The following KCNH7 variants were observed in gnomAD, a reference collection of about 807,000 sequenced individuals.
KCNH7 encodes the protein potassium voltage-gated channel subfamily H member 7, also known as voltage-gated inwardly rectifying potassium channel KCNH7.
KCNH7 carries 49 observed loss-of-function variants against 120.8 expected under a neutral mutation model. The observed-to-expected ratio is 0.41, with a 90% CI of 0.32 to 0.51. The LOEUF (loss-of-function observed/expected upper bound fraction) is 0.51, where lower values mean the gene tolerates loss of function less well. KCNH7 is among the 20% of genes least tolerant of loss of function. The pLI is 0.38. For synonymous variants in KCNH7, 547 were observed against 516.1 expected (o/e 1.06, Z -0.81); for missense variants, 1,097 against 1,446.6 (o/e 0.76, Z 3.92).
At chr2:162,687,333 C>T (rs571946883) in intron 2 of KCNH7, among the ~76,000 whole-genome samples, 1 of 152,230 alleles carries the variant, frequency 6.6e-6, no homozygotes, top group South Asian at 2.1e-4. Flanking sequence ...AGGACTTTTG[C>T]AGGACAGTGG....
intron 2 of KCNH7, among the ~76,000 whole-genome samples, chr2:162,617,931 C>A (rs1007809720): frequency 1.3e-5 from 2 of 151,734 alleles, no homozygotes; most frequent in African/African-American, 2.4e-5. Context: ...GAAATGAATA[C>A]TTATGATTTT....
intron 4 of KCNH7, 142 bp downstream of exon 4, chr2:162,517,588 G>C (rs1691350695): frequency 1.5e-6 from 1 of 657,232 alleles, no homozygotes; most frequent in Admixed American, 3.1e-5. Flanking sequence ...AACTCTGAGT[G>C]TAGGACTCAG....
In KCNH7 at chr2:162,382,935, T is replaced by A. The variant is rs150206248; in HGVS notation, c.2962+1753A>T. Among the ~76,000 whole-genome samples, 519 of 152,116 alleles carry A rather than the reference T, an allele frequency of 3.4e-3. 6 individuals carry two copies. The highest frequency in any genetic ancestry group is 0.031 in the Middle Eastern group (9 of 294). On this transcript the variant is annotated intron_variant, in intron 13 of 15. Transcript: ENST00000332142. ...TTTAGCTGTACATTTTCAAGATAAT[T>A]ATTATTTGAATAGAGATTGCCCTGT...
intron 3 of KCNH7, among the ~76,000 whole-genome samples, chr2:162,523,355 T>C (rs1052838194): frequency 3.3e-5 from 5 of 151,938 alleles, no homozygotes; most frequent in African/African-American, 1.2e-4. Flanking sequence ...TGATTCTTGA[T>C]ATTCCTTTTA....
At chr2:162,648,914 C>A (rs988539208) in intron 2 of KCNH7, among the ~76,000 whole-genome samples, 1 of 152,196 alleles carries the variant, frequency 6.6e-6, no homozygotes, top group Non-Finnish European at 1.5e-5. Flanking sequence ...GTCTTATAAC[C>A]ATTTTAAGCA....
chr2:162,501,840 G>A (rs1690697178), intron 6 of KCNH7: 1 of 151,934 alleles, frequency 6.6e-6, no homozygotes, highest in African/African-American at 2.4e-5. Context: ...ATAAATTTTG[G>A]TGGGTACACA....
chr2:162,401,008 T>C (rs1687050541), intron 9 of KCNH7, among the ~76,000 whole-genome samples: 1 of 151,914 alleles, frequency 6.6e-6, no homozygotes, highest in Non-Finnish European at 1.5e-5. Context: ...TAATACTAAA[T>C]ATTTTGATAA....
chr2:162,824,229 C>G (rs1052909881), intron 2 of KCNH7, among the ~76,000 whole-genome samples: 17 of 152,128 alleles, frequency 1.1e-4, no homozygotes, highest in African/African-American at 3.1e-4. Flanking sequence ...TCACACTATA[C>G]ACAGTGAGTA....
At chr2:162,754,085 A>G (rs1457379889) in intron 2 of KCNH7, among the ~76,000 whole-genome samples, 1 of 152,190 alleles carries the variant, frequency 6.6e-6, no homozygotes. Flanking sequence ...TGATGATGAT[A>G]TTTGTTACTT....
intron 8 of KCNH7, among the ~76,000 whole-genome samples, chr2:162,425,216 T>C (rs563826350): frequency 6.6e-6 from 1 of 152,188 alleles, no homozygotes; most frequent in South Asian, 2.1e-4. Context: ...TTGAGACTTT[T>C]CAGCCTCTAT....
At chr2:162,818,369 G>T (rs143059999) in intron 2 of KCNH7, among the ~76,000 whole-genome samples, 301 of 151,856 alleles carry the variant, frequency 2.0e-3, no homozygotes, top group African/African-American at 7.0e-3. Flanking sequence ...GACTTACTTT[G>T]GTGCTTTGTC....
At chr2:162,414,698 CAT>C (rs1202581753) in intron 9 of KCNH7, among the ~76,000 whole-genome samples, 1 of 151,678 alleles carries the variant, frequency 6.6e-6, no homozygotes, top group African/African-American at 2.4e-5. Context: ...AGTTTACACA[CAT>C]AGGTAATAGA....
chr2:162,540,286 T>TTCATATCCACATTTTCTCCCCTGG (rs1280427285), intron 2 of KCNH7, among the ~76,000 whole-genome samples: 1 of 149,878 alleles, frequency 6.7e-6, no homozygotes, highest in Non-Finnish European at 1.5e-5. Context: ...TAGACTACAG[T>TTCATATCCACATTTTCTCCCCTGG]TCATATCCAC....
chr2:162,382,788 G>A (rs1377739690), intron 13 of KCNH7, among the ~76,000 whole-genome samples: 3 of 151,904 alleles, frequency 2.0e-5, no homozygotes, highest in African/African-American at 4.8e-5. Flanking sequence ...AATCATTAAG[G>A]AATGAAATTT....
intron 2 of KCNH7, among the ~76,000 whole-genome samples, chr2:162,684,844 C>T (rs1395320022): frequency 6.6e-6 from 1 of 152,102 alleles, no homozygotes; most frequent in African/African-American, 2.4e-5. Context: ...AATCCCATTA[C>T]TGGGTATATC....
intron 8 of KCNH7, among the ~76,000 whole-genome samples, chr2:162,429,883 T>G (rs1459800940): frequency 2.0e-5 from 3 of 151,892 alleles, no homozygotes; most frequent in African/African-American, 7.2e-5. Flanking sequence ...ACAGATTTTT[T>G]TTTTTGCTTG....
At chr2:162,775,495 C>A (rs765638406) in intron 2 of KCNH7, among the ~76,000 whole-genome samples, 1 of 151,640 alleles carries the variant, frequency 6.6e-6, no homozygotes, top group Non-Finnish European at 1.5e-5. Flanking sequence ...AAAAGAGTAG[C>A]CATCACATTT....
chr2:162,419,818 C>T (rs1207260153), intron 9 of KCNH7, among the ~76,000 whole-genome samples: 1 of 152,104 alleles, frequency 6.6e-6, no homozygotes, highest in East Asian at 1.9e-4. Context: ...TGATTCTATG[C>T]TGATATGAAA....
intron 10 of KCNH7, among the ~76,000 whole-genome samples, chr2:162,398,776 C>G (rs1686989654): frequency 6.6e-6 from 1 of 151,892 alleles, no homozygotes; most frequent in Non-Finnish European, 1.5e-5. Context: ...TCCTCCTTCC[C>G]TGGCAACATA....
Sources: gnomAD v4.1 joint callset for allele counts (sites outside exome capture counted in the v4.1 genomes callset) on GRCh38, gnomAD v4.1.1 for gene constraint, MANE v1.5 for transcripts, NCBI Gene and HGNC (gene_info 2026-07-23, HGNC 2026-07-21) for gene names.